COMMD1: variants seen among roughly 807,000 people sequenced by gnomAD.
COMMD1 encodes copper metabolism domain containing 1.
A neutral mutation model predicts 17.2 loss-of-function variants in COMMD1; 10 were observed. The ratio of observed to expected loss-of-function variants is 0.58; its 90% confidence interval spans 0.36 to 0.99. The LOEUF is 0.99. Ranked by LOEUF, COMMD1 falls within the 50% of genes least tolerant of loss-of-function variation. COMMD1 has a pLI of 0.01. For synonymous variants in COMMD1, 97 were observed against 91.6 expected, an observed-to-expected ratio of 1.06 and a Z score of -0.34; for missense variants, 270 against 231.8, an observed-to-expected ratio of 1.17 and a Z score of -1.07.
chr2:61,893,468 G>C (rs1669481860), intron 1 of COMMD1, among the ~76,000 whole-genome samples: 1 of 151,758 alleles, frequency 6.6e-6, no homozygotes, highest in African/African-American at 2.4e-5. Flanking sequence ...TAAACAGCCA[G>C]GTTTTCTATC....
chr2:61,916,097 C>T (rs992875060), intron 1 of COMMD1, among the ~76,000 whole-genome samples: 5 of 151,830 alleles, frequency 3.3e-5, no homozygotes, highest in African/African-American at 4.8e-5. Context: ...GAACCTCGAT[C>T]TACAGGTGTG....
chr2:61,926,305 C>T (rs1039020868), intron 1 of COMMD1, among the ~76,000 whole-genome samples: 6 of 151,954 alleles, frequency 3.9e-5, no homozygotes, highest in African/African-American at 1.2e-4. Context: ...TATTAATTTG[C>T]GTAAATAGTG....
intron 1 of COMMD1, among the ~76,000 whole-genome samples, chr2:61,934,458 C>T (rs961540158): frequency 2.6e-5 from 4 of 152,110 alleles, no homozygotes; most frequent in African/African-American, 7.2e-5. Flanking sequence ...TGTGATGGCT[C>T]ATACCTGTGA....
At chr2:62,102,008 T>C (rs1017589167) in intron 2 of COMMD1, among the ~76,000 whole-genome samples, 10 of 152,208 alleles carry the variant, frequency 6.6e-5, no homozygotes, top group African/African-American at 2.4e-4. Flanking sequence ...TTGGTCTTTC[T>C]GACTACCAGC....
intron 1 of COMMD1, among the ~76,000 whole-genome samples, chr2:61,932,102 C>A (rs1248119633): frequency 6.6e-6 from 1 of 152,220 alleles, no homozygotes; most frequent in African/African-American, 2.4e-5. Context: ...TCAATTGACA[C>A]CCCTACATTG....
chr2:62,001,258 A>C (rs1668932021), intron 2 of COMMD1, among the ~76,000 whole-genome samples: 1 of 152,196 alleles, frequency 6.6e-6, no homozygotes, highest in African/African-American at 2.4e-5. Flanking sequence ...ATTTGGTTAG[A>C]TCTCAAAATC....
At chr2:61,979,578 A>G (rs1671900333) in intron 1 of COMMD1, among the ~76,000 whole-genome samples, 1 of 151,924 alleles carries the variant, frequency 6.6e-6, no homozygotes, top group South Asian at 2.1e-4. Context: ...AGATATCTGC[A>G]CTCCCATGTG....
chr2:62,000,925 A>G lies in COMMD1; in HGVS notation c.405A>G (p.Ser135=), dbSNP rs377684141. Residue 135 remains serine (S), a synonymous_variant, in exon 2 of 3, where the codon TCA becomes TCG. Transcript: ENST00000311832. ...ATGGCAAGTCTCAGTCAAGGCACTC[A>G]GCTCAAATACACACACCTGTTGCCA... ...RVDGKSQSRH[S]AQIHTPVAII... is the part of the protein sequence containing the mutation. 1 of 1,614,216 alleles carries G rather than the reference A, an allele frequency of 6.2e-7. No individual in the cohort carries two copies. Among genetic ancestry groups the G allele is most frequent in the Non-Finnish European group, 8.5e-7 (1 of 1,180,046 alleles).
chr2:62,051,309 G>T (rs1242506361), intron 2 of COMMD1, among the ~76,000 whole-genome samples: 1 of 152,112 alleles, frequency 6.6e-6, no homozygotes, highest in Admixed American at 6.5e-5. Context: ...TGAGATCTCT[G>T]AGGGTTCAGT....
At chr2:62,068,835 G>T (rs1031217949) in intron 2 of COMMD1, among the ~76,000 whole-genome samples, 4 of 151,466 alleles carry the variant, frequency 2.6e-5, no homozygotes, top group Admixed American at 2.6e-4. Context: ...GTAGAGATGG[G>T]TTTCACCATG....
At chr2:62,061,554 CTT>C (rs57638195) in intron 2 of COMMD1, among the ~76,000 whole-genome samples, 11 of 131,532 alleles carry the variant, frequency 8.4e-5, no homozygotes, top group South Asian at 2.5e-4. Flanking sequence ...TCTTTCTTTT[CTT>C]TTTTTTTTTT....
At chr2:62,131,138 T>C (rs913322806) in intron 2 of COMMD1, among the ~76,000 whole-genome samples, 2 of 152,202 alleles carry the variant, frequency 1.3e-5, no homozygotes, top group African/African-American at 4.8e-5. Context: ...ACATTTGCAC[T>C]TGGAGAGACA....
At chr2:62,017,322 C>T (rs755479283) in intron 2 of COMMD1, among the ~76,000 whole-genome samples, 37 of 152,184 alleles carry the variant, frequency 2.4e-4, no homozygotes, top group Non-Finnish European at 3.7e-4. Context: ...ATACTGGCCT[C>T]CGTCCACACA....
chr2:62,116,777 G>A (rs950786104), intron 2 of COMMD1, among the ~76,000 whole-genome samples: 5 of 150,134 alleles, frequency 3.3e-5, no homozygotes, highest in East Asian at 2.0e-4. Context: ...ACCTGAAGTC[G>A]GGAGTTCCAG....
At chr2:61,889,509 C>T (rs567958596) in intron 1 of COMMD1, among the ~76,000 whole-genome samples, 2 of 152,260 alleles carry the variant, frequency 1.3e-5, no homozygotes, top group East Asian at 1.9e-4. Context: ...CCGCGCCCAC[C>T]CGGAGGTGCC....
At chr2:61,940,665 T>A (rs1212737606) in intron 1 of COMMD1, among the ~76,000 whole-genome samples, 1 of 152,084 alleles carries the variant, frequency 6.6e-6, no homozygotes, top group East Asian at 1.9e-4. Context: ...CATCCAAAAA[T>A]TTCTATCACT....
intron 1 of COMMD1, among the ~76,000 whole-genome samples, chr2:61,950,644 A>G (rs1365057622): frequency 2.6e-5 from 4 of 152,202 alleles, no homozygotes; most frequent in East Asian, 3.8e-4. Flanking sequence ...CAGCATCGCT[A>G]TTTTTGTGCT....
At chr2:61,905,658 G>T (rs1180874787), upstream of COMMD1, 3 of 1,526,774 alleles carry the variant, frequency 2.0e-6, no homozygotes, top group South Asian at 3.6e-5. Flanking sequence ...CAGCTGTTGC[G>T]GGGCGGGGCC....
At chr2:62,096,178 T>A (rs1464253410) in intron 2 of COMMD1, among the ~76,000 whole-genome samples, 1 of 152,210 alleles carries the variant, frequency 6.6e-6, no homozygotes, top group Non-Finnish European at 1.5e-5. Context: ...TGACATTAGG[T>A]AGGAATGCTG....
Sources: allele counts gnomAD v4.1 joint callset (sites outside exome capture counted in the v4.1 genomes callset), GRCh38; gene constraint gnomAD v4.1.1; transcripts MANE v1.5; gene names NCBI Gene and HGNC (gene_info 2026-07-23, HGNC 2026-07-21).